NPAS3: variants seen among roughly 807,000 people sequenced by gnomAD.
NPAS3 encodes the protein neuronal PAS domain-containing protein 3.
In NPAS3, 14 loss-of-function variants were observed where a neutral mutation model predicts 73.1. The ratio of observed to expected loss-of-function variants is 0.19; its 90% confidence interval spans 0.13 to 0.30. NPAS3 has a LOEUF of 0.30. Among genes scored for constraint, NPAS3 ranks in the 10% least tolerant of loss-of-function variants. The pLI is 1.00. For missense variants in NPAS3, 1,096 were observed against 1,250.0 expected (o/e 0.88, Z 1.86); for synonymous variants, 620 against 541.5 (o/e 1.14, Z -2.01).
intron 6 of NPAS3, among the ~76,000 whole-genome samples, chr14:33,682,300 T>TTAATACCCAGCTGTGCC: frequency 6.6e-6 from 1 of 152,220 alleles, no homozygotes; most frequent in East Asian, 1.9e-4. Context: ...CTGACTTCTG[T>TTAATACCCAGCTGTGCC]TAATACCCAG....
chr14:33,021,293 T>C (rs375624367), intron 1 of NPAS3, among the ~76,000 whole-genome samples: 1 of 152,212 alleles, frequency 6.6e-6, no homozygotes. Flanking sequence ...CTAGGTGTTT[T>C]CCCTGAATTA....
rs1343356336 is a variant in NPAS3, at chr14:33,052,409, T to C, written c.51-3496T>C. On this transcript the variant is annotated intron_variant, in intron 1 of 11. Coordinates refer to ENST00000356141, the Ensembl canonical transcript of NPAS3. The stretch of plus-strand genomic sequence containing the variant: ...GCTATGTGCATTATAATGGGGTTGC[T>C]GGGGGATATGAGAGAAACTGCCCAA... Among the ~76,000 whole-genome samples, 17 of 152,286 alleles carry C rather than the reference T, an allele frequency of 1.1e-4. No homozygotes were observed. The East Asian group carries it at 3.3e-3, about 29-fold the overall frequency.
chr14:33,796,904 G>A (rs1288696077), intron 10 of NPAS3, among the ~76,000 whole-genome samples: 1 of 152,204 alleles, frequency 6.6e-6, no homozygotes, highest in East Asian at 1.9e-4. Flanking sequence ...TGATTGTAAT[G>A]GGTGTGTTGA....
chr14:33,312,455 T>C (rs1313728222), intron 3 of NPAS3, among the ~76,000 whole-genome samples: 1 of 151,914 alleles, frequency 6.6e-6, no homozygotes, highest in African/African-American at 2.4e-5. Context: ...TGTAGGCTCT[T>C]GTAACAACGG....
chr14:33,000,895 A>C (rs184184399), intron 1 of NPAS3, among the ~76,000 whole-genome samples: 1 of 152,322 alleles, frequency 6.6e-6, no homozygotes, highest in Non-Finnish European at 1.5e-5. Context: ...TTTAGGAAGT[A>C]AGAATGAAAT....
At chr14:33,526,075 T>A (rs2140138541) in intron 4 of NPAS3, among the ~76,000 whole-genome samples, 1 of 152,274 alleles carries the variant, frequency 6.6e-6, no homozygotes, top group Non-Finnish European at 1.5e-5. Flanking sequence ...CATCAGTGAA[T>A]GGCAAACAAT....
At chr14:33,349,227 A>C (rs1382673394) in intron 3 of NPAS3, among the ~76,000 whole-genome samples, 2 of 152,222 alleles carry the variant, frequency 1.3e-5, no homozygotes, top group African/African-American at 4.8e-5. Context: ...TCAAAAATAT[A>C]ACTTAAATGT....
At chr14:33,245,105 G>A (rs911987945) in intron 3 of NPAS3, among the ~76,000 whole-genome samples, 19 of 152,080 alleles carry the variant, frequency 1.2e-4, no homozygotes, top group African/African-American at 4.6e-4. Flanking sequence ...AAAGCAGGTG[G>A]TATGAGTGGG....
At chr14:33,238,624 C>T (rs759667666) in intron 3 of NPAS3, among the ~76,000 whole-genome samples, 3 of 151,882 alleles carry the variant, frequency 2.0e-5, no homozygotes, top group Non-Finnish European at 4.4e-5. Flanking sequence ...TGGCAAAAGA[C>T]GATACTGTCT....
intron 3 of NPAS3, among the ~76,000 whole-genome samples, chr14:33,245,348 T>C (rs1222245075): frequency 2.0e-5 from 3 of 152,098 alleles, no homozygotes; most frequent in African/African-American, 7.2e-5. Flanking sequence ...ATCCTCACAA[T>C]ACAGAATTAA....
chr14:33,043,553 T>G (rs1340631134), intron 1 of NPAS3, among the ~76,000 whole-genome samples: 1 of 152,124 alleles, frequency 6.6e-6, no homozygotes, highest in Non-Finnish European at 1.5e-5. Context: ...TCCAGAGCAT[T>G]TGCCTAACTC....
intron 4 of NPAS3, among the ~76,000 whole-genome samples, chr14:33,408,293 G>A (rs1447954245): frequency 6.6e-6 from 1 of 152,104 alleles, no homozygotes; most frequent in Admixed American, 6.6e-5. Flanking sequence ...CAGTCAGCAA[G>A]CCCTTGGTTA....
intron 6 of NPAS3, among the ~76,000 whole-genome samples, chr14:33,686,983 T>C (rs1952601): frequency 6.6e-6 from 1 of 152,226 alleles, no homozygotes; most frequent in Non-Finnish European, 1.5e-5. Flanking sequence ...AAAAGTCATT[T>C]AAGAGATTAT....
At chr14:33,129,495 C>G (rs2043554381) in intron 2 of NPAS3, among the ~76,000 whole-genome samples, 2 of 152,134 alleles carry the variant, frequency 1.3e-5, no homozygotes, top group African/African-American at 4.8e-5. Flanking sequence ...CATTTTTATA[C>G]TCACTGAAAC....
intron 2 of NPAS3, among the ~76,000 whole-genome samples, chr14:33,131,696 C>T (rs936436045): frequency 3.3e-5 from 5 of 152,078 alleles, no homozygotes; most frequent in Admixed American, 2.6e-4. Flanking sequence ...CGTGTGCATG[C>T]CCACACAGAG....
At chr14:33,679,116 T>C (rs1237963306) in intron 6 of NPAS3, among the ~76,000 whole-genome samples, 1 of 152,192 alleles carries the variant, frequency 6.6e-6, no homozygotes, top group Non-Finnish European at 1.5e-5. Context: ...GCTAGTGAGA[T>C]TGAAAACTCT....
chr14:33,308,101 G>A (rs928789089), intron 3 of NPAS3, among the ~76,000 whole-genome samples: 29 of 152,126 alleles, frequency 1.9e-4, no homozygotes, highest in Admixed American at 1.8e-3. Flanking sequence ...CAGGAGAATG[G>A]GGGGTATCTG....
At chr14:33,309,807 A>C (rs2140187917) in intron 3 of NPAS3, among the ~76,000 whole-genome samples, 1 of 152,286 alleles carries the variant, frequency 6.6e-6, no homozygotes, top group South Asian at 2.1e-4. Context: ...ATTTTCTGTA[A>C]GTCTGCCTTC....
At chr14:33,684,699 C>T (rs2060038317) in intron 6 of NPAS3, among the ~76,000 whole-genome samples, 1 of 152,236 alleles carries the variant, frequency 6.6e-6, no homozygotes, top group Admixed American at 6.5e-5. Context: ...GTCACTTGGT[C>T]TGCATCAGCC....
Sources: allele counts gnomAD v4.1 joint callset (sites outside exome capture counted in the v4.1 genomes callset), GRCh38; gene constraint gnomAD v4.1.1; transcripts MANE v1.5; gene names NCBI Gene and HGNC (gene_info 2026-07-23, HGNC 2026-07-21).